Variants in MZB1 observed in about 807,000 individuals in gnomAD.
MZB1 encodes the protein marginal zone B and B1 cell specific protein.
MZB1 carries 10 observed loss-of-function variants against 17.2 expected under a neutral mutation model. That is an observed-to-expected ratio of 0.58 (90% CI 0.36 to 0.98). The LOEUF (loss-of-function observed/expected upper bound fraction) is 0.98. MZB1 is among the 50% of genes least tolerant of loss of function. The pLI is 0.01. For missense variants in MZB1, 246 were observed against 237.5 expected (o/e 1.04, Z -0.23); for synonymous variants, 99 against 98.7 (o/e 1.00, Z -0.02).
Position 139,389,833 on chromosome 5 carries a change from C to T in MZB1, c.24G>A (p.Leu8=), listed in dbSNP as rs1561987692. 3 of 1,547,766 alleles carry T rather than the reference C, an allele frequency of 1.9e-6. No individual in the cohort carries two copies. Among genetic ancestry groups the T allele is most frequent in the Non-Finnish European group, 8.7e-7 (1 of 1,146,918 alleles). Residue 8 remains leucine (L), a synonymous_variant, in exon 1 of 4, where the codon CTG becomes CTA. Transcript: ENST00000302125. ...TGGCCCAGGCTCCCAGCAGCAGCAG[C>T]AGCAGTGGCAGTGACAGCCTCATGG... The part of the protein sequence containing the change: MRLSLPL[L]LLLLGAWAIP...
chr5:139,388,696 G>A (rs1393578936), intron 1 of MZB1, 111 bp from the exon 2 acceptor site: 7 of 1,489,536 alleles, frequency 4.7e-6, no homozygotes, highest in South Asian at 1.3e-5. Flanking sequence ...CAAGAGAGCC[G>A]TTTGAGCAGG....
rs1317883611 is a variant in MZB1, at chr5:139,387,758, T to C, written c.*7A>G. ...CAGCTTCTTTCAGAGGAGGGTAGAG[T>C]CCAGGACTAGAGCTCTTCTCTTGTG... On this transcript the variant is annotated 3_prime_UTR_variant, in exon 4 of 4. Coordinates refer to ENST00000302125, the MANE Select transcript of MZB1 (RefSeq NM_016459.4). 6.5e-7 allele frequency: 1 copy of C among 1,528,776 alleles called. No homozygotes were observed. Among genetic ancestry groups the C allele is most frequent in the South Asian group, 1.3e-5 (1 of 74,668 alleles). The allele number at this position is 1,528,776 out of a possible 1,614,324, so 94.7% of individuals were successfully genotyped here.
intron 1 of MZB1, 27 bp from the exon 2 acceptor site, chr5:139,388,612 G>T: frequency 6.2e-7 from 1 of 1,600,614 alleles, no homozygotes; most frequent in South Asian, 1.1e-5. Flanking sequence ...CTGGGAGGCA[G>T]GGCCTCAGGA....
At chr5:139,389,162 G>A (rs574432270) in intron 1 of MZB1, 45 of 293,062 alleles carry the variant, frequency 1.5e-4, no homozygotes, top group Non-Finnish European at 2.4e-4. Context: ...GTGAGCCACC[G>A]CGCCCGGCCG....
At chr5:139,389,350 C>T in intron 1 of MZB1, 2 of 558,176 alleles carry the variant, frequency 3.6e-6, no homozygotes, top group South Asian at 3.1e-5. Context: ...CACGTGTGCA[C>T]TTGCACCATG....
intron 1 of MZB1, 179 bp downstream of exon 1, chr5:139,389,501 T>C (rs1758573799): frequency 5.0e-6 from 4 of 801,710 alleles, no homozygotes; most frequent in Non-Finnish European, 8.4e-6. Context: ...GATTGTCTGC[T>C]GTTAGGCAGG....
Position 139,387,689 on chromosome 5 carries a change from C to CCTGG in MZB1, c.*72_*75dup. 1 of 1,461,778 alleles carries CCTGG rather than the reference C, an allele frequency of 6.8e-7. No individual in the cohort carries two copies. The highest frequency in any genetic ancestry group is 9.0e-7 in the Non-Finnish European group (1 of 1,108,620). The allele number at this position is 1,461,778 out of a possible 1,614,324, so 90.6% of individuals were successfully genotyped here. On this transcript the variant is annotated 3_prime_UTR_variant, in exon 4 of 4. Transcript: ENST00000302125. The stretch of plus-strand genomic sequence containing the variant: ...GCACAGAGCAAGGGCTTCCTGCCCT[C>CCTGG]CTGGCTGCCTGCAGACGGGAGTGGA...
chr5:139,387,963 C>T, intron 3 of MZB1, 42 bp from the exon 4 acceptor site: 2 of 1,581,486 alleles, frequency 1.3e-6, no homozygotes, highest in Non-Finnish European at 1.7e-6. Context: ...GCCCAGCCCA[C>T]AGTGGGGCAA....
intron 2 of MZB1, 67 bp from the exon 3 acceptor site, chr5:139,388,198 C>T: frequency 7.1e-7 from 1 of 1,415,184 alleles, no homozygotes; most frequent in Non-Finnish European, 9.6e-7. Flanking sequence ...GACCCATCTC[C>T]ACAGCAAGCT....
At position 139,389,783 on chromosome 5, in the gene MZB1, G is replaced by T. The variant is rs1208874686; in HGVS notation, c.74C>A (p.Ala25Glu). Reference protein sequence around the residue: ...WAIPGGLGDRAPLTATAPQLD... With the variant: ...WAIPGGLGDREPLTATAPQLD... ...TTGTGGGGCTGTGGCTGTGAGTGGCGCCCTGTCCCCGAGGCCCCCTGGGAT... is the reference window on the plus strand; with the variant it reads ...TTGTGGGGCTGTGGCTGTGAGTGGCTCCCTGTCCCCGAGGCCCCCTGGGAT... The change falls in exon 1 of 4, where the codon GCG becomes GAG. Residue 25 changes from alanine to glutamate, a missense_variant. By Grantham distance (107) the Ala-to-Glu change is moderately radical. Transcript: ENST00000302125. 6.4e-7 allele frequency: 1 copy of T among 1,552,580 alleles called. No homozygotes were observed. The highest frequency in any genetic ancestry group is 1.4e-5 in the African/African-American group (1 of 73,260).
At chr5:139,389,584 G>T (rs1758575045) in intron 1 of MZB1, 96 bp downstream of exon 1, 3 of 1,397,512 alleles carry the variant, frequency 2.1e-6, no homozygotes, top group South Asian at 1.3e-5. Context: ...GTAGGGATTG[G>T]GGATCAAAGG....
chr5:139,387,692 GGCTGCCTGC>G lies in MZB1; in HGVS notation c.*64_*72del. ...CAGAGCAAGGGCTTCCTGCCCTCCTGGCTGCCTGCAGACGGGAGTGGAGACCGTCAGAGC... is the reference window on the plus strand; with the variant it reads ...CAGAGCAAGGGCTTCCTGCCCTCCTGAGACGGGAGTGGAGACCGTCAGAGC... On this transcript the variant is annotated 3_prime_UTR_variant, in exon 4 of 4. Transcript: ENST00000302125. 6 of 1,462,940 alleles carry G rather than the reference GGCTGCCTGC, an allele frequency of 4.1e-6. No individual in the cohort carries two copies. Among genetic ancestry groups the G allele is most frequent in the Non-Finnish European group, 4.5e-6 (5 of 1,108,832 alleles). The allele number at this position is 1,462,940 out of a possible 1,614,324, so 90.6% of individuals were successfully genotyped here.
Position 139,389,913 on chromosome 5 carries a change from T to C in MZB1, c.-57A>G, listed in dbSNP as rs1056055842. ...TGTGGTTGAGGTGCAGATGTGTGTG[T>C]GCTTGTGTGGTGTGGGGACCGCCAC... On this transcript the variant is annotated 5_prime_UTR_variant, in exon 1 of 4. Transcript: ENST00000302125. 1 of 1,510,610 alleles carries C rather than the reference T, an allele frequency of 6.6e-7. No homozygotes were observed. The highest frequency in any genetic ancestry group is 1.4e-5 in the African/African-American group (1 of 72,732). The allele number at this position is 1,510,610 out of a possible 1,614,324, so 93.6% of individuals were successfully genotyped here.
At chr5:139,389,119 C>G (rs556085772) in intron 1 of MZB1, 2 of 254,402 alleles carry the variant, frequency 7.9e-6, no homozygotes, top group South Asian at 7.4e-5. Flanking sequence ...CGATCGGCCC[C>G]GCTCAGCCTC....
At chr5:139,388,734 C>T (rs1758556297) in intron 1 of MZB1, 149 bp from the exon 2 acceptor site, 2 of 1,305,402 alleles carry the variant, frequency 1.5e-6, no homozygotes, top group African/African-American at 1.5e-5. Context: ...TTGCATGGCC[C>T]CTCCCCCAGC....
intron 1 of MZB1, 78 bp downstream of exon 1, chr5:139,389,602 T>C: frequency 6.7e-7 from 1 of 1,481,606 alleles, no homozygotes; most frequent in Non-Finnish European, 9.1e-7. Flanking sequence ...AGGCCGGTGG[T>C]GGAATGTGAG....
Position 139,388,451 on chromosome 5 carries a change from G to A in MZB1, c.302+10C>T. 1.2e-6 allele frequency: 2 copies of A among 1,601,146 alleles called. No individual in the cohort carries two copies. Among genetic ancestry groups the A allele is most frequent in the Non-Finnish European group, 1.7e-6 (2 of 1,174,376 alleles). ...GAGGAGGGAGGTGGGGGGCAGGATT[G>A]GCAACTCACTCCTGCCAGTTCCGGG... On this transcript the variant is annotated intron_variant, in intron 2 of 3. Coordinates refer to ENST00000302125, the MANE Select transcript of MZB1 (RefSeq NM_016459.4).
chr5:139,389,358 A>G, intron 1 of MZB1: 1 of 568,700 alleles, frequency 1.8e-6, no homozygotes, highest in Non-Finnish European at 3.3e-6. Context: ...CACTTGCACC[A>G]TGTACACATA....
Position 139,388,117 on chromosome 5 carries a change from T to G in MZB1, c.317A>C (p.Glu106Ala). Residue 106 changes from glutamate (E) to alanine (A), a missense_variant, in exon 3 of 4, where the codon GAA becomes GCA. Transcript: ENST00000302125. Reference protein sequence around the residue: ...SRNWQDYGVREVDQVKRLTGP... With the variant: ...SRNWQDYGVRAVDQVKRLTGP... Reference sequence around the variant, plus strand: ...TGTGAGACGTTTCACTTGGTCCACTTCTCGAACTCCGTAGCTGGTGGCAGT... The same window carrying G: ...TGTGAGACGTTTCACTTGGTCCACTGCTCGAACTCCGTAGCTGGTGGCAGT... 6 of 1,551,048 alleles carry G rather than the reference T, an allele frequency of 3.9e-6. No individual in the cohort carries two copies. Among genetic ancestry groups the G allele is most frequent in the Non-Finnish European group, 5.2e-6 (6 of 1,147,228 alleles).
Sources: gnomAD v4.1 joint callset for allele counts on GRCh38, gnomAD v4.1.1 for gene constraint, MANE v1.5 for transcripts, NCBI Gene and HGNC (gene_info 2026-07-23, HGNC 2026-07-21) for gene names.